The following POFUT2 variants were observed in gnomAD, a reference collection of about 807,000 sequenced individuals.
The protein encoded by POFUT2 is protein O-fucosyltransferase 2, also known as GDP-fucose protein O-fucosyltransferase 2.
In POFUT2, 30 loss-of-function variants were observed where a neutral mutation model predicts 55.0. The observed-to-expected ratio is 0.55, with a 90% CI of 0.41 to 0.74. POFUT2 has a LOEUF of 0.74. POFUT2 is among the 30% of genes least tolerant of loss of function. POFUT2 has a pLI of 0.00. For missense variants in POFUT2, 524 were observed against 562.6 expected (o/e 0.93, Z 0.69); for synonymous variants, 267 against 231.1 (o/e 1.16, Z -1.41).
In POFUT2 at chr21:45,264,420, A is replaced by G. The variant is rs1300207913; in HGVS notation, c.*1062T>C. 2.6e-5 allele frequency: 4 copies of G among 152,146 alleles called. No homozygotes were observed. Among genetic ancestry groups the G allele is most frequent in the Non-Finnish European group, 2.9e-5 (2 of 68,042 alleles). 9.4% of individuals were successfully genotyped at this position (152,146 alleles called of 1,614,324 possible). A position where few individuals can be genotyped will look rare whatever the true frequency, so the allele number is the denominator to read the frequency against. Reference sequence around the variant, plus strand: ...CCCCTGAGGCACTGCTGCACCTTCCACGGATTCTGTGTCTAGCGTTGCCCT... The same window carrying G: ...CCCCTGAGGCACTGCTGCACCTTCCGCGGATTCTGTGTCTAGCGTTGCCCT... On this transcript the variant is annotated 3_prime_UTR_variant, in exon 9 of 9. Coordinates refer to ENST00000349485, the MANE Select transcript of POFUT2 (RefSeq NM_133635.6).
At position 45,285,615 on chromosome 21, in the gene POFUT2, T is replaced by C; in HGVS notation, c.382+63A>G. ...CGTAAGCCCAACCTGATGTCTACCT[T>C]AGAAATGACTGCCTGGCCCCAGTTA... On this transcript the variant is annotated intron_variant, in intron 2 of 8. Transcript: ENST00000349485. The surrounding 1 kb of genome is among the most constrained non-coding windows in gnomAD (Gnocchi z 4.9). 1.9e-6 allele frequency: 3 copies of C among 1,606,926 alleles called. No individual in the cohort carries two copies. The highest frequency in any genetic ancestry group is 2.5e-6 in the Non-Finnish European group (3 of 1,177,048).
intron 6 of POFUT2, among the ~76,000 whole-genome samples, chr21:45,276,816 T>A (rs1602190385): frequency 6.6e-6 from 1 of 151,786 alleles, no homozygotes; most frequent in East Asian, 1.9e-4. Context: ...ACTCCCTGAG[T>A]CTGCACATGA....
chr21:45,268,151 G>A (rs111568586), intron 7 of POFUT2, among the ~76,000 whole-genome samples: 11 of 152,154 alleles, frequency 7.2e-5, no homozygotes, highest in East Asian at 5.8e-4. Flanking sequence ...GCGCCACCAC[G>A]CCTGACTGGT....
Sources: gnomAD v4.1 joint callset for allele counts (sites outside exome capture counted in the v4.1 genomes callset) on GRCh38, gnomAD v4.1.1 for gene constraint, Gnocchi (gnomAD v3.1) non-coding constraint, MANE v1.5 for transcripts, NCBI Gene and HGNC (gene_info 2026-07-23, HGNC 2026-07-21) for gene names.